Variants in MYO5B observed in about 807,000 individuals in gnomAD.
MYO5B encodes myosin VB.
MYO5B carries 143 observed loss-of-function variants against 229.3 expected under a neutral mutation model. That is an observed-to-expected ratio of 0.62 (90% confidence interval 0.54 to 0.72). MYO5B has a LOEUF of 0.72. Ranked by LOEUF, MYO5B falls within the 30% of genes least tolerant of loss-of-function variation. The probability of loss-of-function intolerance (pLI) is 0.00; values close to 1 mark genes in which losing one functional copy is unlikely to be tolerated. For synonymous variants in MYO5B, 918 were observed against 885.2 expected (o/e 1.04, Z -0.66); for missense variants, 2,321 against 2,331.0 (o/e 1.00, Z 0.09).
chr18:49,976,535 T>C (rs2025753459), intron 9 of MYO5B, among the ~76,000 whole-genome samples: 1 of 152,210 alleles, frequency 6.6e-6, no homozygotes, highest in Non-Finnish European at 1.5e-5. Context: ...AAGAGATAGA[T>C]ATTTTAAGAA....
chr18:50,144,193 A>G (rs1790416), intron 1 of MYO5B, among the ~76,000 whole-genome samples: 149,095 of 152,242 alleles, frequency 0.98, 73,089 homozygotes, highest in East Asian at 1. Flanking sequence ...AGTAGAAAGG[A>G]ATAGATTAAG....
At chr18:50,060,799 AGG>A (rs2030668182) in intron 1 of MYO5B, among the ~76,000 whole-genome samples, 1 of 152,176 alleles carries the variant, frequency 6.6e-6, no homozygotes, top group African/African-American at 2.4e-5. Flanking sequence ...AGAACCACCT[AGG>A]GAGCTTTCAC....
At position 50,059,056 on chromosome 18, in the gene MYO5B, G is replaced by T. The variant is rs373901010; in HGVS notation, c.28-3678C>A. 8.5e-5 allele frequency among the ~76,000 whole-genome samples: 13 copies of T among 152,212 alleles called. No homozygotes were observed. In the South Asian group the frequency reaches 1.9e-3, roughly 22 times the overall value. The stretch of plus-strand genomic sequence containing the variant: ...TTCTTCTATGATTATCTTTCCTTCT[G>T]GTTTTGCAGTCATTTCTTTCACATC... On this transcript the variant is annotated intron_variant, in intron 1 of 39. Transcript: ENST00000285039.
chr18:50,115,826 G>T (rs372516747), intron 1 of MYO5B, among the ~76,000 whole-genome samples: 38 of 151,672 alleles, frequency 2.5e-4, no homozygotes, highest in African/African-American at 8.7e-4. Context: ...TGTGGGAGGG[G>T]GGAGGGTAGT....
At chr18:50,144,130 C>T (rs2032462786) in intron 1 of MYO5B, among the ~76,000 whole-genome samples, 2 of 152,124 alleles carry the variant, frequency 1.3e-5, no homozygotes, top group Non-Finnish European at 2.9e-5. Context: ...ACTTCTGCCC[C>T]ACCCCCCTTA....
intron 1 of MYO5B, among the ~76,000 whole-genome samples, chr18:50,068,795 C>T (rs2030883715): frequency 6.6e-6 from 1 of 152,262 alleles, no homozygotes; most frequent in East Asian, 1.9e-4. Context: ...ATTCTCCTGA[C>T]CTTGGTTTTC....
Position 49,895,139 on chromosome 18 carries a change from G to A in MYO5B, c.2847C>T (p.Ser949=), listed in dbSNP as rs760341449. 1.3e-5 allele frequency: 21 copies of A among 1,613,898 alleles called. No homozygotes were observed. Among genetic ancestry groups the A allele is most frequent in the Admixed American group, 6.7e-5 (4 of 60,012 alleles). The change falls in exon 22 of 40, where the codon TCC becomes TCT. Residue 949 remains serine (S), a synonymous_variant. Coordinates refer to ENST00000285039, the MANE Select transcript of MYO5B (RefSeq NM_001080467.3). ...CCATGGTGTATGTTGAGGTGGTCAC[G>A]GACAACTGCTCTGAAAGTGTCTTGA... ...KEFKTLSEQL[S]VTTSTYTMEV...
intron 26 of MYO5B, 50 bp from the exon 27 acceptor site, chr18:49,872,282 C>G (rs1568619552): frequency 6.3e-7 from 1 of 1,585,506 alleles, no homozygotes; most frequent in South Asian, 1.1e-5. Flanking sequence ...GCAAGATATT[C>G]CACAGAGGTG....
chr18:49,962,182 A>G, intron 12 of MYO5B, 84 bp downstream of exon 12: 1 of 1,580,066 alleles, frequency 6.3e-7, no homozygotes, highest in South Asian at 1.1e-5. Context: ...ATCACAGATG[A>G]AATTCCACCT....
chr18:50,017,121 T>C (rs1284556483), intron 4 of MYO5B, among the ~76,000 whole-genome samples: 1 of 152,138 alleles, frequency 6.6e-6, no homozygotes. Flanking sequence ...GCATAATTTT[T>C]CATTTTGTTT....
chr18:50,110,008 T>C (rs1303061819), intron 1 of MYO5B, among the ~76,000 whole-genome samples: 3 of 151,978 alleles, frequency 2.0e-5, no homozygotes, highest in Admixed American at 2.0e-4. Flanking sequence ...TCTAACCTCA[T>C]ATCCTACCCT....
intron 5 of MYO5B, among the ~76,000 whole-genome samples, chr18:49,997,885 G>C (rs1387614154): frequency 6.6e-6 from 1 of 152,142 alleles, no homozygotes; most frequent in East Asian, 1.9e-4. Context: ...CGATTGCTTT[G>C]TTGGGAGGTG....
intron 4 of MYO5B, among the ~76,000 whole-genome samples, chr18:50,008,309 C>T (rs551661019): frequency 1.3e-5 from 2 of 152,290 alleles, no homozygotes; most frequent in Non-Finnish European, 2.9e-5. Flanking sequence ...CCTAGTCTCC[C>T]CACTAGAACC....
At chr18:50,099,954 G>A (rs2031624345) in intron 1 of MYO5B, among the ~76,000 whole-genome samples, 1 of 152,020 alleles carries the variant, frequency 6.6e-6, no homozygotes, top group South Asian at 2.1e-4. Flanking sequence ...ATAGGACCAG[G>A]GCTCCACAGT....
intron 1 of MYO5B, among the ~76,000 whole-genome samples, chr18:50,074,113 G>A (rs1343449314): frequency 6.6e-6 from 1 of 152,182 alleles, no homozygotes; most frequent in Non-Finnish European, 1.5e-5. Flanking sequence ...CCACATGGCT[G>A]GGGAGGCTCA....
intron 1 of MYO5B, among the ~76,000 whole-genome samples, chr18:50,089,952 T>A (rs533850674): frequency 6.6e-6 from 1 of 152,132 alleles, no homozygotes; most frequent in Admixed American, 6.6e-5. Flanking sequence ...ATGAATGACA[T>A]ACCTGGTCAA....
intron 1 of MYO5B, among the ~76,000 whole-genome samples, chr18:50,080,033 C>T (rs1016202555): frequency 6.6e-6 from 1 of 152,184 alleles, no homozygotes; most frequent in Non-Finnish European, 1.5e-5. Flanking sequence ...AATTTAGCCA[C>T]TTTTAAATGT....
intron 1 of MYO5B, among the ~76,000 whole-genome samples, chr18:50,074,166 A>G (rs1007133394): frequency 3.3e-5 from 5 of 152,206 alleles, no homozygotes; most frequent in African/African-American, 1.2e-4. Context: ...GCAGCAAGAG[A>G]AAAATAAGGA....
intron 1 of MYO5B, among the ~76,000 whole-genome samples, chr18:50,175,413 G>A (rs1201301691): frequency 5.3e-5 from 8 of 152,270 alleles, no homozygotes; most frequent in Admixed American, 5.2e-4. Flanking sequence ...CCACAACATG[G>A]AACTAAAGCA....
Sources: allele counts gnomAD v4.1 joint callset (sites outside exome capture counted in the v4.1 genomes callset), GRCh38; gene constraint gnomAD v4.1.1; transcripts MANE v1.5; gene names NCBI Gene and HGNC (gene_info 2026-07-23, HGNC 2026-07-21).